The following CREB5 variants were observed in gnomAD, a reference collection of about 807,000 sequenced individuals.
The protein encoded by CREB5 is cAMP responsive element binding protein 5, also known as cyclic AMP-responsive element-binding protein 5.
In CREB5, 19 loss-of-function variants were observed where a neutral mutation model predicts 57.1. That is an observed-to-expected ratio of 0.33 (90% CI 0.23 to 0.49). The LOEUF is 0.49. Ranked by LOEUF, CREB5 falls within the 20% of genes least tolerant of loss-of-function variation. The probability of loss-of-function intolerance (pLI) is 0.99; values close to 1 mark genes in which losing one functional copy is unlikely to be tolerated. For missense variants in CREB5, 579 were observed against 671.6 expected (o/e 0.86, Z 1.52); for synonymous variants, 238 against 238.3 (o/e 1.00, Z 0.01).
chr7:28,723,915 T>C (rs1285609141), intron 6 of CREB5, among the ~76,000 whole-genome samples: 2 of 152,224 alleles, frequency 1.3e-5, no homozygotes, highest in Non-Finnish European at 2.9e-5. Context: ...ATAAGCACTA[T>C]TGGTGGTAGC....
At chr7:28,572,583 C>A (rs2128650167) in intron 5 of CREB5, among the ~76,000 whole-genome samples, 1 of 152,168 alleles carries the variant, frequency 6.6e-6, no homozygotes, top group East Asian at 1.9e-4. Context: ...GCATTCCTTC[C>A]CCCCTGGAGT....
rs182415791 is a variant in CREB5, at chr7:28,425,784, G to C, written c.3+12867G>C. 1.2e-3 allele frequency among the ~76,000 whole-genome samples: 190 copies of C among 152,294 alleles called. 2 individuals are homozygous for C. Among genetic ancestry groups the C allele is most frequent in the African/African-American group, 4.3e-3 (180 of 41,548 alleles). ...ACAGCATTTATCATATGTATCTCCA[G>C]CTTGCACCTCTCTCCTTGGCAATGG... On this transcript the variant is annotated intron_variant, in intron 1 of 10. Coordinates refer to ENST00000357727, the MANE Select transcript of CREB5 (RefSeq NM_182898.4).
chr7:28,443,675 A>G (rs961242542), intron 1 of CREB5, among the ~76,000 whole-genome samples: 3 of 152,194 alleles, frequency 2.0e-5, no homozygotes, highest in Admixed American at 6.5e-5. Flanking sequence ...AGGGGGAGTC[A>G]ACACAGGCTC....
intron 1 of CREB5, among the ~76,000 whole-genome samples, chr7:28,401,723 T>G (rs1190302416): frequency 6.6e-6 from 1 of 152,206 alleles, no homozygotes; most frequent in South Asian, 2.1e-4. Context: ...TCATCCATGT[T>G]CCTACAAAGG....
At position 28,477,733 on chromosome 7, in the gene CREB5, T is replaced by C. The variant is rs532370307; in HGVS notation, c.4-10442T>C. Among the ~76,000 whole-genome samples the C allele has an allele frequency of 1.7e-4, 26 of 152,316 alleles. No individual in the cohort carries two copies. In the South Asian group the frequency reaches 5.4e-3, roughly 32 times the overall value. On this transcript the variant is annotated intron_variant, in intron 1 of 10. Coordinates refer to ENST00000357727, the MANE Select transcript of CREB5 (RefSeq NM_182898.4). ...GAGTGTTTTAGTGGATTTGCAGGCT[T>C]TAGTGAGTGATTCTTTGTTTAGTAG...
intron 5 of CREB5, among the ~76,000 whole-genome samples, chr7:28,581,185 C>A (rs923053741): frequency 6.6e-6 from 1 of 152,224 alleles, no homozygotes; most frequent in Non-Finnish European, 1.5e-5. Flanking sequence ...ACAACTTGAA[C>A]TTTACTTTTT....
intron 1 of CREB5, among the ~76,000 whole-genome samples, chr7:28,354,896 G>T (rs1183753094): frequency 1.3e-5 from 2 of 152,152 alleles, no homozygotes; most frequent in Admixed American, 6.5e-5. Context: ...AGTCACAGAC[G>T]TAAGGATGAA....
At chr7:28,470,710 C>G (rs1790770181) in intron 1 of CREB5, among the ~76,000 whole-genome samples, 1 of 152,136 alleles carries the variant, frequency 6.6e-6, no homozygotes, top group Admixed American at 6.5e-5. Flanking sequence ...TATGAGGGTT[C>G]CCTTTACTCC....
intron 5 of CREB5, among the ~76,000 whole-genome samples, chr7:28,667,242 A>G (rs1799862523): frequency 6.6e-6 from 1 of 151,362 alleles, no homozygotes; most frequent in East Asian, 1.9e-4. Context: ...AGAATTATCA[A>G]GGATACTATT....
rs375468835 is a variant in CREB5 at position 28,809,426 on chromosome 7, G to C, written c.1254+12G>C. The C allele has an allele frequency of 1.3e-6, 2 of 1,595,548 alleles. No homozygotes were observed. The highest frequency in any genetic ancestry group is 1.7e-6 in the Non-Finnish European group (2 of 1,170,324). On this transcript the variant is annotated intron_variant, in intron 9 of 10. Coordinates refer to ENST00000357727, the MANE Select transcript of CREB5 (RefSeq NM_182898.4). ...ACATGCAGCTTCAGGTGCAGCCCAC[G>C]GTGTCTTTCCCCGCGACTCAAAGGC...
intron 1 of CREB5, among the ~76,000 whole-genome samples, chr7:28,483,566 C>G (rs767179588): frequency 6.6e-6 from 1 of 152,040 alleles, no homozygotes; most frequent in African/African-American, 2.4e-5. Context: ...AAATGAGTAC[C>G]GTTTAGAAAA....
Position 28,508,199 on chromosome 7 carries a change from G to A in CREB5, c.291+462G>A, listed in dbSNP as rs140227721. Among the ~76,000 whole-genome samples, 152 of 152,292 alleles carry A rather than the reference G, an allele frequency of 1.0e-3. 2 individuals are homozygous for A. The East Asian group carries it at 0.023, about 23-fold the overall frequency. ...TACCTTGTTCTAGTATTGAACATCT[G>A]TTGTTGCTGAGACAAATAAGTTGAG... is the stretch of plus-strand genomic sequence containing the variant. On this transcript the variant is annotated intron_variant, in intron 4 of 10. Transcript: ENST00000357727.
chr7:28,544,013 T>C (rs951100272), intron 4 of CREB5, among the ~76,000 whole-genome samples: 2 of 151,458 alleles, frequency 1.3e-5, no homozygotes, highest in East Asian at 3.9e-4. Flanking sequence ...GTGAGTTTTA[T>C]GAGTATTCTG....
chr7:28,720,919 C>A (rs1331723690), intron 6 of CREB5, among the ~76,000 whole-genome samples: 1 of 152,134 alleles, frequency 6.6e-6, no homozygotes, highest in Non-Finnish European at 1.5e-5. Context: ...GTGCACCATT[C>A]CCAGAGACAA....
At chr7:28,380,605 G>A (rs117308578) in intron 1 of CREB5, among the ~76,000 whole-genome samples, 1 of 152,286 alleles carries the variant, frequency 6.6e-6, no homozygotes, top group Non-Finnish European at 1.5e-5. Context: ...CACATCCGAG[G>A]GGTGGGTTGT....
chr7:28,624,646 T>C (rs1490629652), intron 5 of CREB5, among the ~76,000 whole-genome samples: 1 of 150,772 alleles, frequency 6.6e-6, no homozygotes, highest in African/African-American at 2.5e-5. Context: ...CAAATTGTAC[T>C]TCGTTTTTCC....
intron 1 of CREB5, among the ~76,000 whole-genome samples, chr7:28,391,376 G>A (rs758391933): frequency 7.2e-5 from 11 of 152,136 alleles, no homozygotes; most frequent in African/African-American, 1.2e-4. Context: ...CTCACTGGTC[G>A]TTTAATTGGA....
chr7:28,591,560 T>G (rs1381533025), intron 5 of CREB5, among the ~76,000 whole-genome samples: 1 of 152,148 alleles, frequency 6.6e-6, no homozygotes, highest in East Asian at 1.9e-4. Context: ...TCCACCTGCC[T>G]TCAGAAACAA....
intron 4 of CREB5, among the ~76,000 whole-genome samples, chr7:28,528,980 T>C (rs1249207656): frequency 6.6e-6 from 1 of 152,146 alleles, no homozygotes; most frequent in Non-Finnish European, 1.5e-5. Flanking sequence ...CAATTGACTT[T>C]GCAATGATTC....
Sources: gnomAD v4.1 joint callset for allele counts (sites outside exome capture counted in the v4.1 genomes callset) on GRCh38, gnomAD v4.1.1 for gene constraint, MANE v1.5 for transcripts, NCBI Gene and HGNC (gene_info 2026-07-23, HGNC 2026-07-21) for gene names.